Variants in DOCK1 observed in about 807,000 individuals in gnomAD.
The protein encoded by DOCK1 is dedicator of cytokinesis protein 1.
In DOCK1, 138 loss-of-function variants were observed where a neutral mutation model predicts 262.7. The ratio of observed to expected loss-of-function variants is 0.53; its 90% confidence interval spans 0.46 to 0.61. DOCK1 has a LOEUF of 0.61. Among genes scored for constraint, DOCK1 ranks in the 20% least tolerant of loss-of-function variants. The probability of loss-of-function intolerance (pLI) is 0.00; values close to 1 mark genes in which losing one functional copy is unlikely to be tolerated. For missense variants in DOCK1, 1,908 were observed against 2,370.7 expected, an observed-to-expected ratio of 0.80 and a Z score of 4.05; for synonymous variants, 866 against 867.4, an observed-to-expected ratio of 1.00 and a Z score of 0.03.
At chr10:127,147,934 G>GGCAGAA (rs1208723519) in intron 27 of DOCK1, among the ~76,000 whole-genome samples, 1 of 149,120 alleles carries the variant, frequency 6.7e-6, no homozygotes, top group African/African-American at 2.5e-5. Flanking sequence ...GGGAGGCTGA[G>GGCAGAA]GCAGAAGAAT....
intron 27 of DOCK1, among the ~76,000 whole-genome samples, chr10:127,178,021 C>T (rs1289576850): frequency 6.6e-6 from 1 of 152,172 alleles, no homozygotes; most frequent in Admixed American, 6.5e-5. Context: ...AGAGGCATGA[C>T]CCCTCCCCAC....
chr10:127,345,110 A>G (rs1478662933), intron 31 of DOCK1, among the ~76,000 whole-genome samples: 2 of 152,180 alleles, frequency 1.3e-5, no homozygotes, highest in Non-Finnish European at 2.9e-5. Flanking sequence ...GTAGTATCTC[A>G]GTTTGTGTAA....
At chr10:127,291,213 G>C in intron 29 of DOCK1, among the ~76,000 whole-genome samples, 1 of 152,224 alleles carries the variant, frequency 6.6e-6, no homozygotes, top group East Asian at 1.9e-4. Flanking sequence ...CCGTGCTTAA[G>C]TGTCACGTGG....
intron 49 of DOCK1, among the ~76,000 whole-genome samples, chr10:127,440,408 C>T (rs979535762): frequency 2.0e-5 from 3 of 152,080 alleles, no homozygotes; most frequent in Admixed American, 6.5e-5. Flanking sequence ...AGCCCACTTC[C>T]AGGGCGAACT....
intron 27 of DOCK1, among the ~76,000 whole-genome samples, chr10:127,201,439 A>G (rs1381040055): frequency 1.3e-5 from 2 of 152,150 alleles, no homozygotes; most frequent in East Asian, 3.9e-4. Context: ...GTAAGAAACT[A>G]GAGATGGTTT....
chr10:127,010,790 C>T (rs1227704008), intron 11 of DOCK1, among the ~76,000 whole-genome samples: 1 of 152,202 alleles, frequency 6.6e-6, no homozygotes. Flanking sequence ...TATTAAATTG[C>T]CTCATTCTCT....
At chr10:126,992,076 G>A (rs1348361925) in intron 6 of DOCK1, among the ~76,000 whole-genome samples, 1 of 152,130 alleles carries the variant, frequency 6.6e-6, no homozygotes, top group East Asian at 1.9e-4. Flanking sequence ...TTAAAGCAAC[G>A]TTATGAGCAA....
At chr10:127,114,895 T>G (rs2049086602) in intron 25 of DOCK1, among the ~76,000 whole-genome samples, 1 of 152,040 alleles carries the variant, frequency 6.6e-6, no homozygotes, top group African/African-American at 2.4e-5. Context: ...TAGCTGGTAC[T>G]ACAGGCGCAT....
chr10:127,267,784 T>A lies in DOCK1; in HGVS notation c.3044+10355T>A, dbSNP rs139072189. On this transcript the variant is annotated intron_variant, in intron 29 of 51. Coordinates refer to ENST00000623213, the MANE Select transcript of DOCK1 (RefSeq NM_001290223.2). ...AGCAAAATGGAGGAGATACACTTTA[T>A]TATGATCCTCCTCCCGGTCCTCTCA... Among the ~76,000 whole-genome samples the A allele has an allele frequency of 3.0e-3, 453 of 152,284 alleles. 4 individuals are homozygous for A. Among genetic ancestry groups the A allele is most frequent in the Non-Finnish European group, 5.4e-3 (369 of 68,026 alleles).
At chr10:126,986,334 G>A (rs1337656156) in intron 4 of DOCK1, among the ~76,000 whole-genome samples, 1 of 152,064 alleles carries the variant, frequency 6.6e-6, no homozygotes, top group African/African-American at 2.4e-5. Flanking sequence ...AGCCAGTCAG[G>A]GTTCCTTCCA....
intron 29 of DOCK1, among the ~76,000 whole-genome samples, chr10:127,290,248 A>G (rs2061304021): frequency 6.6e-6 from 1 of 152,166 alleles, no homozygotes; most frequent in Non-Finnish European, 1.5e-5. Flanking sequence ...GACTTAATTG[A>G]AGGTACGATG....
intron 1 of DOCK1, among the ~76,000 whole-genome samples, chr10:126,945,672 C>T (rs2035344414): frequency 6.6e-6 from 1 of 152,304 alleles, no homozygotes; most frequent in African/African-American, 2.4e-5. Context: ...TACCTGTGGA[C>T]ATGCTCAGCT....
intron 13 of DOCK1, among the ~76,000 whole-genome samples, chr10:127,019,678 G>A (rs1258882645): frequency 2.0e-5 from 3 of 152,204 alleles, no homozygotes; most frequent in Middle Eastern, 3.2e-3. Flanking sequence ...GAACCTGGGA[G>A]GCAGAGGTTG....
chr10:126,943,486 C>G (rs1259137573), intron 1 of DOCK1, among the ~76,000 whole-genome samples: 1 of 152,064 alleles, frequency 6.6e-6, no homozygotes, highest in African/African-American at 2.4e-5. Flanking sequence ...TGAGGTTAAA[C>G]GAGTAAGTGT....
chr10:127,361,347 CT>C (rs2064429286), intron 32 of DOCK1, among the ~76,000 whole-genome samples: 2 of 152,062 alleles, frequency 1.3e-5, no homozygotes, highest in African/African-American at 4.8e-5. Context: ...ATCTCCTGAC[CT>C]CGTGATCTGC....
At chr10:127,257,485 T>C (rs2059867126) in intron 29 of DOCK1, 56 bp downstream of exon 29, 1 of 1,486,158 alleles carries the variant, frequency 6.7e-7, no homozygotes, top group East Asian at 2.4e-5. Flanking sequence ...TCATGTCTGC[T>C]GGGAACAGTG....
rs115383216 is a variant in DOCK1 at position 127,040,519 on chromosome 10, G to A, written c.2011-2106G>A. ...GGACATCCTCTCTCCCGAAGGAGGCGGGCGAGGCTGTTGCTGCTGCTGTGG... is the reference window on the plus strand; with the variant it reads ...GGACATCCTCTCTCCCGAAGGAGGCAGGCGAGGCTGTTGCTGCTGCTGTGG... On this transcript the variant is annotated intron_variant, in intron 19 of 51. Coordinates refer to ENST00000623213, the MANE Select transcript of DOCK1 (RefSeq NM_001290223.2). Among the ~76,000 whole-genome samples the A allele has an allele frequency of 2.8e-3, 420 of 152,258 alleles. 3 individuals are homozygous for A. Among genetic ancestry groups the A allele is most frequent in the African/African-American group, 9.5e-3 (396 of 41,564 alleles).
chr10:127,442,434 A>G (rs2134762097), intron 49 of DOCK1, among the ~76,000 whole-genome samples: 1 of 152,194 alleles, frequency 6.6e-6, no homozygotes, highest in Middle Eastern at 3.4e-3. Context: ...CTGGGTTAAT[A>G]CGTTTTCTAA....
intron 27 of DOCK1, among the ~76,000 whole-genome samples, chr10:127,219,734 C>G (rs1348976468): frequency 1.3e-5 from 2 of 152,106 alleles, no homozygotes; most frequent in South Asian, 4.1e-4. Context: ...GACAGCCTTT[C>G]TTGAGGTGGA....
Sources: allele counts gnomAD v4.1 joint callset (sites outside exome capture counted in the v4.1 genomes callset), GRCh38; gene constraint gnomAD v4.1.1; transcripts MANE v1.5; gene names NCBI Gene and HGNC (gene_info 2026-07-23, HGNC 2026-07-21).